KCNIP4: variants seen among roughly 807,000 people sequenced by gnomAD.
KCNIP4 encodes the protein potassium voltage-gated channel interacting protein 4.
A neutral mutation model predicts 34.0 loss-of-function variants in KCNIP4; 12 were observed. The ratio of observed to expected loss-of-function variants is 0.35; its 90% CI spans 0.23 to 0.57. The LOEUF (loss-of-function observed/expected upper bound fraction) is 0.57, where lower values mean the gene tolerates loss of function less well. Ranked by LOEUF, KCNIP4 falls within the 20% of genes least tolerant of loss-of-function variation. The pLI, the probability that KCNIP4 is intolerant of heterozygous loss-of-function variation, is 0.83. For missense variants in KCNIP4, 238 were observed against 311.7 expected (o/e 0.76, Z 1.78); for synonymous variants, 124 against 102.2 (o/e 1.21, Z -1.29).
chr4:21,792,852 G>T (rs2109236994), intron 1 of KCNIP4, among the ~76,000 whole-genome samples: 1 of 152,348 alleles, frequency 6.6e-6, no homozygotes, highest in Admixed American at 6.5e-5. Context: ...AGCATCCATA[G>T]TTTCCTATTT....
At chr4:21,230,340 T>C (rs1444252816) in intron 1 of KCNIP4, among the ~76,000 whole-genome samples, 3 of 151,718 alleles carry the variant, frequency 2.0e-5, no homozygotes, top group African/African-American at 7.3e-5. Flanking sequence ...AGGATAATTA[T>C]TATTTTTAAA....
chr4:21,476,013 A>G (rs896947122), intron 1 of KCNIP4, among the ~76,000 whole-genome samples: 2 of 152,112 alleles, frequency 1.3e-5, no homozygotes, highest in Admixed American at 6.6e-5. Context: ...AAATAAACTC[A>G]TTGCTTTTCA....
intron 1 of KCNIP4, among the ~76,000 whole-genome samples, chr4:21,830,275 C>T (rs1722902825): frequency 6.6e-6 from 1 of 152,076 alleles, no homozygotes; most frequent in East Asian, 1.9e-4. Context: ...TGGCTCAATT[C>T]ATCAGGAGAA....
intron 1 of KCNIP4, among the ~76,000 whole-genome samples, chr4:21,467,637 C>A (rs1045572930): frequency 6.6e-6 from 1 of 152,154 alleles, no homozygotes; most frequent in Non-Finnish European, 1.5e-5. Flanking sequence ...AGCAGACACG[C>A]CAAGACATGA....
chr4:21,191,552 T>C (rs1193756915), intron 1 of KCNIP4, among the ~76,000 whole-genome samples: 1 of 152,178 alleles, frequency 6.6e-6, no homozygotes, highest in African/African-American at 2.4e-5. Flanking sequence ...GGTGGTTACA[T>C]GAGCAACAGA....
chr4:20,734,153 G>A (rs905678946), intron 6 of KCNIP4, among the ~76,000 whole-genome samples: 7 of 152,060 alleles, frequency 4.6e-5, no homozygotes, highest in African/African-American at 1.7e-4. Flanking sequence ...TGTGTAATAC[G>A]AGTATCTTAA....
intron 5 of KCNIP4, among the ~76,000 whole-genome samples, chr4:20,742,443 A>G (rs989052918): frequency 5.3e-5 from 8 of 152,226 alleles, no homozygotes; most frequent in African/African-American, 1.9e-4. Flanking sequence ...AATCCATCAT[A>G]TAAACAAAAC....
chr4:21,426,801 T>TC (rs374395253), intron 1 of KCNIP4, among the ~76,000 whole-genome samples: 1 of 152,170 alleles, frequency 6.6e-6, no homozygotes, highest in Non-Finnish European at 1.5e-5. Flanking sequence ...TTTAATTTTT[T>TC]CTCCATTGTT....
At chr4:20,750,098 T>C (rs1391471441) in intron 4 of KCNIP4, among the ~76,000 whole-genome samples, 1 of 152,218 alleles carries the variant, frequency 6.6e-6, no homozygotes, top group East Asian at 1.9e-4. Context: ...AGTAAAGTAC[T>C]AAAAATACTA....
chr4:21,736,793 G>C (rs1716020815), intron 1 of KCNIP4, among the ~76,000 whole-genome samples: 1 of 151,960 alleles, frequency 6.6e-6, no homozygotes, highest in African/African-American at 2.4e-5. Context: ...ATCTATTTTT[G>C]TATCCCAGGG....
intron 1 of KCNIP4, among the ~76,000 whole-genome samples, chr4:20,923,799 GAA>G (rs1174431220): frequency 1.3e-5 from 2 of 152,106 alleles, no homozygotes; most frequent in Admixed American, 1.3e-4. Flanking sequence ...ATCTTTAGGG[GAA>G]GAAAAGAGAA....
chr4:20,767,245 G>C (rs1011606784), intron 3 of KCNIP4: 13 of 152,100 alleles, frequency 8.5e-5, no homozygotes, highest in African/African-American at 3.1e-4. Context: ...CTATTCTAGT[G>C]TTATAAGTTG....
intron 1 of KCNIP4, among the ~76,000 whole-genome samples, chr4:21,073,763 G>A (rs1416245738): frequency 6.6e-6 from 1 of 152,114 alleles, no homozygotes; most frequent in East Asian, 1.9e-4. Flanking sequence ...GTATGATATT[G>A]GCCATGGGGT....
chr4:21,434,450 A>T (rs1364346325), intron 1 of KCNIP4, among the ~76,000 whole-genome samples: 3 of 152,190 alleles, frequency 2.0e-5, no homozygotes, highest in Non-Finnish European at 4.4e-5. Flanking sequence ...GCCTAGAAAC[A>T]TTAGCATCAT....
At chr4:21,186,875 C>T (rs917225054) in intron 1 of KCNIP4, among the ~76,000 whole-genome samples, 2 of 152,118 alleles carry the variant, frequency 1.3e-5, no homozygotes, top group Non-Finnish European at 2.9e-5. Context: ...TCTTGAACTC[C>T]TGGGCTCAAG....
At chr4:21,745,843 G>T in intron 1 of KCNIP4, among the ~76,000 whole-genome samples, 1 of 152,098 alleles carries the variant, frequency 6.6e-6, no homozygotes, top group Non-Finnish European at 1.5e-5. Flanking sequence ...AATATAACAA[G>T]AGCATGTATA....
chr4:20,832,654 T>C (rs1188364684), intron 3 of KCNIP4, among the ~76,000 whole-genome samples: 1 of 150,716 alleles, frequency 6.6e-6, no homozygotes, highest in Non-Finnish European at 1.5e-5. Flanking sequence ...CTACCTACAA[T>C]GGTTGAAAAA....
chr4:20,989,748 C>A (rs1220769727), intron 1 of KCNIP4, among the ~76,000 whole-genome samples: 1 of 152,000 alleles, frequency 6.6e-6, no homozygotes, highest in Non-Finnish European at 1.5e-5. Context: ...GTGGGTAGAT[C>A]GCTTGAGTTC....
intron 1 of KCNIP4, among the ~76,000 whole-genome samples, chr4:21,804,060 G>T (rs1721157527): frequency 6.6e-6 from 1 of 152,212 alleles, no homozygotes; most frequent in Non-Finnish European, 1.5e-5. Flanking sequence ...TTGGCTTTGT[G>T]TTAGAAGATT....
Sources: allele counts gnomAD v4.1 joint callset (sites outside exome capture counted in the v4.1 genomes callset), GRCh38; gene constraint gnomAD v4.1.1; transcripts MANE v1.5; gene names NCBI Gene and HGNC (gene_info 2026-07-23, HGNC 2026-07-21).